Variants in RGS7 observed in about 807,000 individuals in gnomAD.
The protein encoded by RGS7 is regulator of G protein signaling 7.
A neutral mutation model predicts 81.1 loss-of-function variants in RGS7; 27 were observed. That is an observed-to-expected ratio of 0.33 (90% CI 0.25 to 0.46). The LOEUF is 0.46. Among genes scored for constraint, RGS7 ranks in the 20% least tolerant of loss-of-function variants. RGS7 has a pLI of 1.00. For synonymous variants in RGS7, 208 were observed against 207.7 expected, an observed-to-expected ratio of 1.00 and a Z score of -0.01; for missense variants, 396 against 607.4, an observed-to-expected ratio of 0.65 and a Z score of 3.66.
At chr1:241,034,632 T>A (rs974218029) in intron 3 of RGS7, among the ~76,000 whole-genome samples, 7 of 152,344 alleles carry the variant, frequency 4.6e-5, no homozygotes, top group African/African-American at 1.7e-4. Context: ...CACTTCTTGC[T>A]CTAAAAGTAT....
chr1:241,207,120 C>G (rs910159854), intron 2 of RGS7, among the ~76,000 whole-genome samples: 1 of 151,604 alleles, frequency 6.6e-6, no homozygotes. Flanking sequence ...AGGTGCCCAC[C>G]ACCACGCCCG....
chr1:241,259,017 G>C (rs2077177825), intron 2 of RGS7, among the ~76,000 whole-genome samples: 1 of 152,130 alleles, frequency 6.6e-6, no homozygotes, highest in Non-Finnish European at 1.5e-5. Context: ...GAGAGATACA[G>C]GTATGCGCCC....
intron 4 of RGS7, among the ~76,000 whole-genome samples, chr1:240,962,889 T>C (rs1681691738): frequency 6.6e-6 from 1 of 152,206 alleles, no homozygotes; most frequent in African/African-American, 2.4e-5. Context: ...GATGCAATGA[T>C]ATAAATATGG....
At chr1:240,824,938 C>A (rs182064188) in intron 10 of RGS7, among the ~76,000 whole-genome samples, 492 of 152,212 alleles carry the variant, frequency 3.2e-3, no homozygotes, top group African/African-American at 0.01. Flanking sequence ...AGGCAGCCAT[C>A]CCCAAGCAGG....
chr1:240,804,023 G>T (rs920309487), intron 15 of RGS7, among the ~76,000 whole-genome samples: 3 of 152,120 alleles, frequency 2.0e-5, no homozygotes, highest in African/African-American at 7.2e-5. Context: ...GTTAAGTTTG[G>T]AACTGTATGG....
chr1:240,952,067 T>C (rs537226769), intron 4 of RGS7, among the ~76,000 whole-genome samples: 3 of 152,138 alleles, frequency 2.0e-5, no homozygotes, highest in South Asian at 4.1e-4. Context: ...GAGAAATAAA[T>C]ATTTTCTCAG....
chr1:241,253,636 C>T lies in RGS7; in HGVS notation c.78+102063G>A, dbSNP rs919027313. Among the ~76,000 whole-genome samples, 15 of 152,264 alleles carry T rather than the reference C, an allele frequency of 9.9e-5. No individual in the cohort carries two copies. The Middle Eastern group carries it at 0.014, about 138-fold the overall frequency. Reference sequence around the variant, plus strand: ...TTATTATTTGGTACTTTATGCCCACCGTTGTGTCAGCTGTACACATGGGCC... The same window carrying T: ...TTATTATTTGGTACTTTATGCCCACTGTTGTGTCAGCTGTACACATGGGCC... On this transcript the variant is annotated intron_variant, in intron 2 of 18. Transcript: ENST00000440928.
intron 2 of RGS7, among the ~76,000 whole-genome samples, chr1:241,245,528 G>A (rs974497254): frequency 5.9e-5 from 9 of 151,814 alleles, no homozygotes; most frequent in Non-Finnish European, 1.2e-4. Flanking sequence ...GTGTGTTCAG[G>A]CCTGGCACAG....
At chr1:241,076,681 T>A (rs1455407158) in intron 3 of RGS7, among the ~76,000 whole-genome samples, 1 of 152,210 alleles carries the variant, frequency 6.6e-6, no homozygotes, top group Admixed American at 6.5e-5. Flanking sequence ...ATAGTTTCTG[T>A]TTAAAGGAAG....
At chr1:241,282,374 A>C (rs1259557191) in intron 2 of RGS7, among the ~76,000 whole-genome samples, 1 of 152,206 alleles carries the variant, frequency 6.6e-6, no homozygotes. Flanking sequence ...ATTCATTACT[A>C]TAATATAGAA....
chr1:240,866,842 G>T (rs957384348), intron 9 of RGS7, among the ~76,000 whole-genome samples: 3 of 152,148 alleles, frequency 2.0e-5, no homozygotes, highest in African/African-American at 7.2e-5. Context: ...GCATGAAATA[G>T]ACGTGGGCAG....
chr1:241,311,255 AAAAC>A lies in RGS7; in HGVS notation c.78+44440_78+44443del, dbSNP rs1455632438. Among the ~76,000 whole-genome samples, 3 of 152,332 alleles carry A rather than the reference AAAAC, an allele frequency of 2.0e-5. No homozygotes were observed. The East Asian group carries it at 5.8e-4, about 29-fold the overall frequency. On this transcript the variant is annotated intron_variant, in intron 2 of 18. Transcript: ENST00000440928. ...ACACACCACAGAAAATTGAGCAATAAAAACCACAGAGCTTAAGAGAAAAGAAACA... is the reference window on the plus strand; with the variant it reads ...ACACACCACAGAAAATTGAGCAATAACACAGAGCTTAAGAGAAAAGAAACA...
chr1:241,355,590 T>G, intron 2 of RGS7, 109 bp downstream of exon 2: 1 of 929,124 alleles, frequency 1.1e-6, no homozygotes, highest in Non-Finnish European at 1.8e-6. Flanking sequence ...ACTGATGATC[T>G]GGGAAATCCA....
Position 240,844,861 on chromosome 1 carries a change from T to C in RGS7, c.610-17689A>G, listed in dbSNP as rs572819597. Among the ~76,000 whole-genome samples the C allele has an allele frequency of 3.3e-5, 5 of 152,330 alleles. No homozygotes were observed. In the East Asian group the frequency reaches 9.6e-4, roughly 29 times the overall value. On this transcript the variant is annotated intron_variant, in intron 9 of 18. Coordinates refer to ENST00000440928, the MANE Select transcript of RGS7 (RefSeq NM_001364886.1). ...GTATCAGTAATGAGATCATGGACTA[T>C]TGATAGGAAAGACAGCATCATGAGT...
intron 18 of RGS7, among the ~76,000 whole-genome samples, chr1:240,793,611 A>ATATATATATATATATATATTTT: frequency 3.0e-4 from 24 of 78,750 alleles, no homozygotes; most frequent in East Asian, 6.5e-4. Flanking sequence ...ATATATATAT[A>ATATATATATATATATATATTTT]TTTTTTTTTT....
intron 3 of RGS7, among the ~76,000 whole-genome samples, chr1:241,062,217 A>AT (rs1294834049): frequency 2.6e-5 from 4 of 152,198 alleles, no homozygotes; most frequent in African/African-American, 9.6e-5. Flanking sequence ...ATATTTATCC[A>AT]TTAAAAACAG....
chr1:241,250,268 AAGAC>A (rs1366796678), intron 2 of RGS7, among the ~76,000 whole-genome samples: 7 of 152,080 alleles, frequency 4.6e-5, no homozygotes, highest in East Asian at 1.9e-4. Context: ...TTTAAAAGGA[AAGAC>A]AGAGAATTTT....
intron 3 of RGS7, among the ~76,000 whole-genome samples, chr1:241,085,148 T>G (rs369997053): frequency 3.3e-5 from 5 of 152,320 alleles, no homozygotes; most frequent in African/African-American, 1.2e-4. Flanking sequence ...GGAAGCATAG[T>G]AACTTTCCAA....
chr1:241,347,583 A>G (rs576840296), intron 2 of RGS7, among the ~76,000 whole-genome samples: 8 of 152,300 alleles, frequency 5.3e-5, no homozygotes, highest in Non-Finnish European at 7.4e-5. Context: ...TAGGAATTGG[A>G]GTGGCTGTGA....
Sources: gnomAD v4.1 joint callset for allele counts (sites outside exome capture counted in the v4.1 genomes callset) on GRCh38, gnomAD v4.1.1 for gene constraint, MANE v1.5 for transcripts, NCBI Gene and HGNC (gene_info 2026-07-23, HGNC 2026-07-21) for gene names.